Variants in PLXDC2 observed in about 807,000 individuals in gnomAD.
The protein encoded by PLXDC2 is plexin domain containing 2, also known as plexin domain-containing protein 2.
In PLXDC2, 40 loss-of-function variants were observed where a neutral mutation model predicts 68.9. That is an observed-to-expected ratio of 0.58 (90% CI 0.45 to 0.76). PLXDC2 has a LOEUF of 0.76. Ranked by LOEUF, PLXDC2 falls within the 30% of genes least tolerant of loss-of-function variation. PLXDC2 has a pLI of 0.00. For missense variants in PLXDC2, 644 were observed against 661.9 expected (o/e 0.97, Z 0.30); for synonymous variants, 243 against 234.2 (o/e 1.04, Z -0.34).
At chr10:19,983,526 G>A (rs12263607) in intron 1 of PLXDC2, among the ~76,000 whole-genome samples, 41,584 of 151,900 alleles carry the variant, frequency 0.27, 5,677 homozygotes, top group East Asian at 0.39. Context: ...GAGGGGGTGA[G>A]GACATTAAGT....
At chr10:20,143,225 G>A (rs1834029421) in intron 4 of PLXDC2, 70 bp from the exon 5 acceptor site, 1 of 1,458,050 alleles carries the variant, frequency 6.9e-7, no homozygotes, top group African/African-American at 1.4e-5. Flanking sequence ...TAATTGAGTT[G>A]GAAGTATTTT....
chr10:20,252,001 C>G (rs1835682377), intron 13 of PLXDC2, among the ~76,000 whole-genome samples: 1 of 150,770 alleles, frequency 6.6e-6, no homozygotes, highest in Admixed American at 6.6e-5. Flanking sequence ...TGCTGCAAAG[C>G]TTTGAAATGT....
At chr10:20,110,638 G>A (rs1016092938) in intron 4 of PLXDC2, among the ~76,000 whole-genome samples, 1 of 152,090 alleles carries the variant, frequency 6.6e-6, no homozygotes, top group East Asian at 1.9e-4. Context: ...TCTGAACGCC[G>A]GTCACTGTCA....
At chr10:20,027,601 A>C (rs1835425525) in intron 2 of PLXDC2, among the ~76,000 whole-genome samples, 1 of 152,090 alleles carries the variant, frequency 6.6e-6, no homozygotes, top group Non-Finnish European at 1.5e-5. Context: ...TGATCTTTAA[A>C]ATTGTGTAGA....
intron 4 of PLXDC2, among the ~76,000 whole-genome samples, chr10:20,124,347 T>C (rs1434479616): frequency 8.6e-5 from 13 of 151,648 alleles, no homozygotes; most frequent in Non-Finnish European, 1.6e-4. Context: ...TGAGGGACAG[T>C]GAGAGAGGTT....
intron 1 of PLXDC2, among the ~76,000 whole-genome samples, chr10:19,994,312 A>ATTTTTT (rs869124443): frequency 8.7e-5 from 3 of 34,312 alleles, no homozygotes; most frequent in African/African-American, 3.7e-4. Flanking sequence ...ACATGATTAA[A>ATTTTTT]TTTTTTTTTT....
chr10:20,278,775 G>C (rs1041773462), intron 13 of PLXDC2, among the ~76,000 whole-genome samples: 1 of 152,100 alleles, frequency 6.6e-6, no homozygotes, highest in African/African-American at 2.4e-5. Context: ...TTTTACATTA[G>C]AATTCTTTAG....
intron 4 of PLXDC2, 29 bp from the exon 5 acceptor site, chr10:20,143,266 G>GAA: frequency 1.3e-6 from 2 of 1,582,894 alleles, no homozygotes; most frequent in Non-Finnish European, 1.7e-6. Context: ...TTCTTTTTCT[G>GAA]AATATGTTTC....
At chr10:19,865,590 T>TA (rs1396388963) in intron 1 of PLXDC2, among the ~76,000 whole-genome samples, 1 of 152,146 alleles carries the variant, frequency 6.6e-6, no homozygotes, top group Non-Finnish European at 1.5e-5. Flanking sequence ...TAATGGGTAG[T>TA]AAAAAAACGT....
chr10:19,968,947 A>T (rs1247586289), intron 1 of PLXDC2, among the ~76,000 whole-genome samples: 1 of 152,200 alleles, frequency 6.6e-6, no homozygotes, highest in Non-Finnish European at 1.5e-5. Flanking sequence ...ATCTGTAAGT[A>T]ATCAGTTACT....
chr10:19,911,509 T>G (rs1175843274), intron 1 of PLXDC2, among the ~76,000 whole-genome samples: 1 of 152,122 alleles, frequency 6.6e-6, no homozygotes, highest in Non-Finnish European at 1.5e-5. Flanking sequence ...GGTAAAAAAG[T>G]AGGTATCAGC....
chr10:20,041,245 A>G (rs1589600706), intron 2 of PLXDC2, among the ~76,000 whole-genome samples: 1 of 152,262 alleles, frequency 6.6e-6, no homozygotes, highest in East Asian at 1.9e-4. Context: ...TTCTCTGTAT[A>G]TTTGTATGTG....
chr10:20,067,117 T>A (rs1286628185), intron 3 of PLXDC2, among the ~76,000 whole-genome samples: 1 of 152,198 alleles, frequency 6.6e-6, no homozygotes, highest in Non-Finnish European at 1.5e-5. Flanking sequence ...ATTTTTAATA[T>A]GTTTTGGGTT....
chr10:20,252,012 C>T lies in PLXDC2; in HGVS notation c.1473+6507C>T, dbSNP rs1381977115. Among the ~76,000 whole-genome samples, 3 of 150,914 alleles carry T rather than the reference C, an allele frequency of 2.0e-5. No homozygotes were observed. The South Asian group carries it at 6.2e-4, about 31-fold the overall frequency. On this transcript the variant is annotated intron_variant, in intron 13 of 13. Coordinates refer to ENST00000377252, the MANE Select transcript of PLXDC2 (RefSeq NM_032812.9). ...TTTATGCTGCAAAGCTTTGAAATGT[C>T]CTCAGAGAGAAAGGAGTCAGTTCAA...
At chr10:20,089,895 G>C (rs1179588248) in intron 4 of PLXDC2, among the ~76,000 whole-genome samples, 3 of 152,140 alleles carry the variant, frequency 2.0e-5, no homozygotes, top group Admixed American at 2.0e-4. Flanking sequence ...TTTTAACACA[G>C]ACTCCATCTT....
chr10:19,973,250 A>G (rs1403111086), intron 1 of PLXDC2, among the ~76,000 whole-genome samples: 1 of 149,470 alleles, frequency 6.7e-6, no homozygotes, highest in Non-Finnish European at 1.5e-5. Flanking sequence ...ACACATATAT[A>G]TGTATATATA....
intron 1 of PLXDC2, among the ~76,000 whole-genome samples, chr10:19,860,424 A>C (rs10508595): frequency 0.048 from 7,364 of 152,266 alleles, 235 homozygotes; most frequent in Middle Eastern, 0.11. Flanking sequence ...CCTGTTGATG[A>C]ATGAGCGAAA....
chr10:20,013,797 T>TA (rs1835157021), intron 2 of PLXDC2, among the ~76,000 whole-genome samples: 1 of 152,200 alleles, frequency 6.6e-6, no homozygotes, highest in African/African-American at 2.4e-5. Flanking sequence ...CATATTTTAA[T>TA]AAAAAATGAC....
At chr10:20,137,281 CTCTT>C (rs1465335590) in intron 4 of PLXDC2, among the ~76,000 whole-genome samples, 2 of 152,202 alleles carry the variant, frequency 1.3e-5, no homozygotes, top group African/African-American at 4.8e-5. Context: ...GTAGTACTGA[CTCTT>C]TCAGCCATCA....
Sources: gnomAD v4.1 joint callset for allele counts (sites outside exome capture counted in the v4.1 genomes callset) on GRCh38, gnomAD v4.1.1 for gene constraint, MANE v1.5 for transcripts, NCBI Gene and HGNC (gene_info 2026-07-23, HGNC 2026-07-21) for gene names.